Variants in RFX6 observed in about 807,000 individuals in gnomAD.
RFX6 encodes the protein regulatory factor X6.
Under a neutral mutation model 110.8 loss-of-function variants are expected in RFX6, and 50 were observed. The observed-to-expected ratio is 0.45, with a 90% CI of 0.36 to 0.57. The LOEUF (loss-of-function observed/expected upper bound fraction) is 0.57. Among genes scored for constraint, RFX6 ranks in the 20% least tolerant of loss-of-function variants. RFX6 has a pLI of 0.00. For synonymous variants in RFX6, 383 were observed against 411.2 expected, an observed-to-expected ratio of 0.93 and a Z score of 0.83; for missense variants, 990 against 1,127.0, an observed-to-expected ratio of 0.88 and a Z score of 1.74.
rs1179095588 is a variant in RFX6 at position 116,927,038 on chromosome 6, C to A, written c.1897C>A (p.Leu633Ile). ...DNMPLTGQME[L>I]SQIAGHLMTP... ...GTGATTTTTTCCAGGTCAAATGGAG[C>A]TTTCACAGATTGCTGGTCATCTGAT... The change falls in exon 17 of 19, where the codon CTT becomes ATT. Residue 633 changes from leucine (L) to isoleucine (I), a missense_variant. Transcript: ENST00000332958. 9 of 1,613,922 alleles carry A rather than the reference C, an allele frequency of 5.6e-6. No homozygotes were observed. Among genetic ancestry groups the A allele is most frequent in the Non-Finnish European group, 7.6e-6 (9 of 1,179,806 alleles).
intron 18 of RFX6, 24 bp from the exon 19 acceptor site, chr6:116,931,307 T>C: frequency 1.3e-6 from 2 of 1,568,288 alleles, no homozygotes; most frequent in Non-Finnish European, 1.8e-6. Flanking sequence ...AATTTTCAAT[T>C]GCTGATTATA....
intron 16 of RFX6, among the ~76,000 whole-genome samples, 172 bp downstream of exon 16, chr6:116,925,831 A>G (rs189238287): frequency 1.6e-3 from 250 of 152,360 alleles, no homozygotes; most frequent in Non-Finnish European, 3.0e-3. Context: ...CAATGGTAAT[A>G]ATACTGTTAT....
At chr6:116,903,832 G>C (rs950964758) in intron 6 of RFX6, among the ~76,000 whole-genome samples, 1 of 151,506 alleles carries the variant, frequency 6.6e-6, no homozygotes, top group Non-Finnish European at 1.5e-5. Flanking sequence ...ATCCCAATGC[G>C]TTTATTCATT....
chr6:116,882,292 A>C, intron 3 of RFX6, 75 bp from the exon 4 acceptor site: 2 of 1,020,528 alleles, frequency 2.0e-6, no homozygotes, highest in Non-Finnish European at 3.1e-6. Context: ...TACTTTCCCC[A>C]AGTAATTGGC....
intron 4 of RFX6, among the ~76,000 whole-genome samples, chr6:116,891,856 G>T (rs1465922185): frequency 2.0e-5 from 3 of 151,984 alleles, no homozygotes; most frequent in Admixed American, 6.6e-5. Context: ...GTATTTTGAA[G>T]TTTCCATTAA....
At chr6:116,926,957 TA>T (rs1396848342) in intron 16 of RFX6, 69 bp from the exon 17 acceptor site, 2 of 1,347,350 alleles carry the variant, frequency 1.5e-6, no homozygotes, top group East Asian at 2.3e-5. Flanking sequence ...ATCTTTTGAA[TA>T]TTTTTTAAAG....
At chr6:116,888,440 T>C (rs565481466) in intron 4 of RFX6, among the ~76,000 whole-genome samples, 5 of 152,174 alleles carry the variant, frequency 3.3e-5, no homozygotes, top group Non-Finnish European at 7.4e-5. Flanking sequence ...TGACATAAGA[T>C]TGAGGAAAGT....
rs1286067217 is a variant in RFX6, at chr6:116,927,232, T to C, written c.2091T>C (p.Tyr697=). 6.2e-7 allele frequency: 1 copy of C among 1,614,222 alleles called. No individual in the cohort carries two copies. Among genetic ancestry groups the C allele is most frequent in the South Asian group, 1.1e-5 (1 of 91,092 alleles). ...PTLPQANHDF[Y]STSSNYQTVF... Reference sequence around the variant, plus strand: ...TCCCTCAAGCCAATCATGACTTTTATAGCACCAGCTCTAACTACCAGACTG... The same window carrying C: ...TCCCTCAAGCCAATCATGACTTTTACAGCACCAGCTCTAACTACCAGACTG... The change falls in exon 17 of 19, where the codon TAT becomes TAC. Residue 697 remains tyrosine (Y), a synonymous_variant. Transcript: ENST00000332958.
intron 7 of RFX6, among the ~76,000 whole-genome samples, chr6:116,912,694 G>A (rs776787345): frequency 6.6e-5 from 10 of 152,088 alleles, no homozygotes; most frequent in African/African-American, 1.2e-4. Context: ...AAATATACCT[G>A]GTGAGAGAGA....
At chr6:116,923,033 C>G in intron 13 of RFX6, 74 bp from the exon 14 acceptor site, 2 of 805,174 alleles carry the variant, frequency 2.5e-6, no homozygotes, top group South Asian at 2.7e-5. Flanking sequence ...CTATTTACTT[C>G]TTGATCTAAC....
In RFX6 at chr6:116,877,483, G is replaced by A. The variant is rs1364016225; in HGVS notation, c.208G>A (p.Gly70Arg). 3 of 1,559,238 alleles carry A rather than the reference G, an allele frequency of 1.9e-6. No individual in the cohort carries two copies. The highest frequency in any genetic ancestry group is 2.7e-5 in the African/African-American group (2 of 73,602). ...GAAAGGCGAAGACCCGGAGCTGCCG[G>A]GGGCAGTGAAATCAGGTGAGTGCTC... ...GEKGEDPELP[G>R]AVKSEMHLNN... The change falls in exon 1 of 19, where the codon GGG becomes AGG. Residue 70 changes from glycine to arginine, a missense_variant. Coordinates refer to ENST00000332958, the MANE Select transcript of RFX6 (RefSeq NM_173560.4).
At chr6:116,919,398 G>GT in intron 11 of RFX6, 102 bp downstream of exon 11, 2 of 1,065,520 alleles carry the variant, frequency 1.9e-6, no homozygotes, top group Non-Finnish European at 2.9e-6. Flanking sequence ...AGGGAGCTAA[G>GT]TAGACAACAA....
At chr6:116,889,829 G>A (rs1187993026) in intron 4 of RFX6, among the ~76,000 whole-genome samples, 1 of 152,038 alleles carries the variant, frequency 6.6e-6, no homozygotes, top group Non-Finnish European at 1.5e-5. Flanking sequence ...ATTGGCAAAT[G>A]TTTTTATGGT....
At chr6:116,882,449 T>C in intron 4 of RFX6, 21 bp downstream of exon 4, 3 of 1,573,646 alleles carry the variant, frequency 1.9e-6, no homozygotes, top group Non-Finnish European at 8.7e-7. Flanking sequence ...AGTGAACATA[T>C]TCAGGTTCTG....
rs762118667 is a variant in RFX6, at chr6:116,916,070, T to A, written c.843T>A (p.Asn281Lys). The change falls in exon 8 of 19, where the codon AAT becomes AAA. Residue 281 changes from asparagine (N) to lysine (K), a missense_variant. By Grantham distance (94) the Asn-to-Lys change is moderately conservative. Around this residue, in one of 5 missense-constraint regions of RFX6, gnomAD observed 243 missense variants for 353.1 expected, o/e 0.69. Transcript: ENST00000332958. ...HCQCILDNAI[N>K]GNFEEIQHFL... ...AGTGTATCCTGGACAATGCAATTAA[T>A]GGAAACTTTGAAGAGGTAAGAATGA... The A allele has an allele frequency of 6.2e-7, 1 of 1,609,116 alleles. No individual in the cohort carries two copies.
intron 14 of RFX6, 73 bp downstream of exon 14, chr6:116,923,297 AT>A: frequency 1.2e-6 from 1 of 802,118 alleles, no homozygotes; most frequent in South Asian, 1.3e-5. Context: ...GTTCCTGTCA[AT>A]TTTTAAACAT....
chr6:116,892,275 G>C (rs1488026722), intron 4 of RFX6, among the ~76,000 whole-genome samples: 1 of 152,200 alleles, frequency 6.6e-6, no homozygotes, highest in African/African-American at 2.4e-5. Flanking sequence ...AGCCATTTCT[G>C]GGCCTCCCAC....
chr6:116,896,725 T>C (rs991454676), intron 6 of RFX6, among the ~76,000 whole-genome samples: 1 of 151,994 alleles, frequency 6.6e-6, no homozygotes, highest in African/African-American at 2.4e-5. Flanking sequence ...AAAAATTGTA[T>C]TTAGGGCGAC....
At chr6:116,914,653 T>C (rs1775425209) in intron 7 of RFX6, among the ~76,000 whole-genome samples, 1 of 152,190 alleles carries the variant, frequency 6.6e-6, no homozygotes, top group African/African-American at 2.4e-5. Context: ...ATAATGTTCA[T>C]ATCATGGTTC....
Sources: gnomAD v4.1 joint callset for allele counts (sites outside exome capture counted in the v4.1 genomes callset) on GRCh38, gnomAD v4.1.1 for gene constraint, gnomAD v4.1.1 regional missense constraint, MANE v1.5 for transcripts, NCBI Gene and HGNC (gene_info 2026-07-23, HGNC 2026-07-21) for gene names.